Variants in PTPRN2 observed in about 807,000 individuals in gnomAD.
PTPRN2 encodes the protein protein tyrosine phosphatase receptor type N2, also known as receptor-type tyrosine-protein phosphatase N2.
A neutral mutation model predicts 118.8 loss-of-function variants in PTPRN2; 74 were observed. That is an observed-to-expected ratio of 0.62 (90% confidence interval 0.52 to 0.76). PTPRN2 has a LOEUF of 0.76. Ranked by LOEUF, PTPRN2 falls within the 30% of genes least tolerant of loss-of-function variation. PTPRN2 has a pLI of 0.00. For synonymous variants in PTPRN2, 641 were observed against 608.0 expected, an observed-to-expected ratio of 1.05 and a Z score of -0.80; for missense variants, 1,481 against 1,394.4, an observed-to-expected ratio of 1.06 and a Z score of -0.99.
At chr7:157,701,232 C>T (rs143441203) in intron 12 of PTPRN2, among the ~76,000 whole-genome samples, 27 of 152,278 alleles carry the variant, frequency 1.8e-4, no homozygotes, top group Non-Finnish European at 2.4e-4. Context: ...GGCTCCTATG[C>T]GAACCCACAC....
chr7:158,115,417 G>A (rs887747864), intron 9 of PTPRN2, among the ~76,000 whole-genome samples: 1 of 152,130 alleles, frequency 6.6e-6, no homozygotes, highest in Admixed American at 6.5e-5. Flanking sequence ...CAGGGTTGAA[G>A]GGACAGCAGA....
intron 10 of PTPRN2, among the ~76,000 whole-genome samples, chr7:158,103,704 C>A (rs931076316): frequency 6.6e-6 from 1 of 152,152 alleles, no homozygotes; most frequent in South Asian, 2.1e-4. Context: ...TGCTCTGTGC[C>A]AGGTCAGTGC....
chr7:158,085,969 G>A (rs1202062526), intron 10 of PTPRN2, among the ~76,000 whole-genome samples: 4 of 151,704 alleles, frequency 2.6e-5, no homozygotes, highest in Admixed American at 6.6e-5. Context: ...CCACACACAC[G>A]ACGCCCATCC....
intron 12 of PTPRN2, among the ~76,000 whole-genome samples, chr7:157,896,894 C>T (rs898503512): frequency 2.0e-5 from 3 of 152,116 alleles, no homozygotes; most frequent in South Asian, 4.1e-4. Context: ...ACACTTGTCA[C>T]CTCCCAGATG....
intron 12 of PTPRN2, among the ~76,000 whole-genome samples, chr7:157,853,609 C>CT (rs1301247452): frequency 6.6e-6 from 1 of 152,168 alleles, no homozygotes; most frequent in African/African-American, 2.4e-5. Flanking sequence ...CAGACAAGAG[C>CT]TGAGCGCTCA....
Position 157,603,688 on chromosome 7 carries a change from G to C in PTPRN2, c.2418+314C>G, listed in dbSNP as rs373308531. On this transcript the variant is annotated intron_variant, in intron 16 of 22. Coordinates refer to ENST00000389418, the MANE Select transcript of PTPRN2 (RefSeq NM_002847.5). The surrounding 1 kb of genome is among the most constrained non-coding windows in gnomAD (Gnocchi z 5.4). Reference sequence around the variant, plus strand: ...ATGTGTAGCTCCAGGAAAGAGGAACGGCACCCACTACGAACCTCTCCTAAA... The same window carrying C: ...ATGTGTAGCTCCAGGAAAGAGGAACCGCACCCACTACGAACCTCTCCTAAA... Among the ~76,000 whole-genome samples the C allele has an allele frequency of 1.3e-4, 20 of 152,100 alleles. No homozygotes were observed. The highest frequency in any genetic ancestry group is 4.8e-4 in the African/African-American group (20 of 41,422).
At chr7:158,507,215 C>A (rs1032681591) in intron 1 of PTPRN2, among the ~76,000 whole-genome samples, 1 of 152,080 alleles carries the variant, frequency 6.6e-6, no homozygotes, top group African/African-American at 2.4e-5. Flanking sequence ...CAGCCCTGCA[C>A]TAGGCAGGAA....
At chr7:158,165,998 G>A (rs149077451) in intron 6 of PTPRN2, among the ~76,000 whole-genome samples, 46 of 152,040 alleles carry the variant, frequency 3.0e-4, no homozygotes, top group Non-Finnish European at 5.0e-4. Flanking sequence ...TATGGGCTAC[G>A]GTCACATGCT....
At chr7:158,130,969 CAT>C (rs1272541477) in intron 9 of PTPRN2, among the ~76,000 whole-genome samples, 7 of 151,670 alleles carry the variant, frequency 4.6e-5, no homozygotes, top group Non-Finnish European at 1.0e-4. Context: ...CCAACACACA[CAT>C]ATACACAAAC....
chr7:158,337,171 G>C (rs1805766989), intron 2 of PTPRN2, among the ~76,000 whole-genome samples: 2 of 152,044 alleles, frequency 1.3e-5, no homozygotes, highest in Non-Finnish European at 2.9e-5. Context: ...GACACCTGCA[G>C]ACGTCACTCA....
chr7:158,542,833 G>A (rs1826066591), intron 1 of PTPRN2, among the ~76,000 whole-genome samples: 1 of 152,104 alleles, frequency 6.6e-6, no homozygotes, highest in Admixed American at 6.5e-5. Context: ...GCAATGCTGT[G>A]GAATTCCAAA....
intron 12 of PTPRN2, among the ~76,000 whole-genome samples, chr7:157,820,929 C>A (rs541033340): frequency 5.3e-4 from 80 of 152,346 alleles, no homozygotes; most frequent in African/African-American, 1.8e-3. Context: ...ACAGTAACTG[C>A]CACAGGGCAG....
intron 3 of PTPRN2, among the ~76,000 whole-genome samples, chr7:158,268,064 C>T (rs949426653): frequency 6.6e-6 from 1 of 152,196 alleles, no homozygotes; most frequent in Admixed American, 6.5e-5. Flanking sequence ...CCCATTTGAG[C>T]GCTCTTCAAG....
intron 11 of PTPRN2, among the ~76,000 whole-genome samples, chr7:158,026,347 T>TG (rs897312427): frequency 8.6e-5 from 13 of 151,990 alleles, no homozygotes; most frequent in Non-Finnish European, 1.3e-4. Context: ...CTGGGCTCGC[T>TG]GGGGGGGACC....
chr7:158,271,394 G>C (rs1422312713), intron 3 of PTPRN2, among the ~76,000 whole-genome samples: 1 of 152,232 alleles, frequency 6.6e-6, no homozygotes, highest in Non-Finnish European at 1.5e-5. Context: ...TATCATTAAA[G>C]TATTCAATTA....
intron 15 of PTPRN2, among the ~76,000 whole-genome samples, chr7:157,613,806 C>T (rs1230851221): frequency 1.3e-5 from 2 of 152,198 alleles, no homozygotes; most frequent in Non-Finnish European, 2.9e-5. Flanking sequence ...TCTCGGAGCG[C>T]AGGGGTCCCG....
intron 14 of PTPRN2, among the ~76,000 whole-genome samples, chr7:157,653,797 C>T (rs1032077676): frequency 8.6e-5 from 13 of 151,072 alleles, no homozygotes; most frequent in Admixed American, 2.6e-4. Flanking sequence ...ACACGATGCC[C>T]GCTGCTCCCC....
At chr7:158,552,594 C>A (rs768247309) in intron 1 of PTPRN2, among the ~76,000 whole-genome samples, 1 of 152,062 alleles carries the variant, frequency 6.6e-6, no homozygotes, top group East Asian at 1.9e-4. Context: ...TTACAGGCAC[C>A]CACCACCATG....
intron 11 of PTPRN2, among the ~76,000 whole-genome samples, chr7:157,926,105 T>C (rs10274862): frequency 2.0e-5 from 3 of 150,010 alleles, no homozygotes; most frequent in South Asian, 4.2e-4. Flanking sequence ...CCTCTGTCTA[T>C]CTACCACTAA....
Sources: allele counts gnomAD v4.1 joint callset (sites outside exome capture counted in the v4.1 genomes callset), GRCh38; gene constraint gnomAD v4.1.1; non-coding constraint Gnocchi (gnomAD v3.1); transcripts MANE v1.5; gene names NCBI Gene and HGNC (gene_info 2026-07-23, HGNC 2026-07-21).